The following PRKCB variants were observed in gnomAD, a reference collection of about 807,000 sequenced individuals.
The protein encoded by PRKCB is protein kinase C beta.
In PRKCB, 13 loss-of-function variants were observed where a neutral mutation model predicts 81.5. The ratio of observed to expected loss-of-function variants is 0.16; its 90% CI spans 0.10 to 0.25. The LOEUF (loss-of-function observed/expected upper bound fraction) is 0.25, where lower values mean the gene tolerates loss of function less well. PRKCB is among the 10% of genes least tolerant of loss of function. PRKCB has a pLI of 1.00. For synonymous variants in PRKCB, 335 were observed against 321.4 expected, an observed-to-expected ratio of 1.04 and a Z score of -0.45; for missense variants, 509 against 875.7, an observed-to-expected ratio of 0.58 and a Z score of 5.29.
rs900432777 is a variant in PRKCB, at chr16:23,855,121, G to T, written c.205+17715G>T. On this transcript the variant is annotated intron_variant, in intron 2 of 16. Coordinates refer to ENST00000643927, the MANE Select transcript of PRKCB (RefSeq NM_002738.7). ...AAAGGAAGACAAAGCCCCTGTACTTGAGGAGGGAGAGAATAAAGAGAGCCG... is the reference window on the plus strand; with the variant it reads ...AAAGGAAGACAAAGCCCCTGTACTTTAGGAGGGAGAGAATAAAGAGAGCCG... Among the ~76,000 whole-genome samples the T allele has an allele frequency of 5.3e-5, 8 of 152,050 alleles. No individual in the cohort carries two copies. The East Asian group carries it at 1.5e-3, about 29-fold the overall frequency.
intron 2 of PRKCB, among the ~76,000 whole-genome samples, chr16:23,945,502 A>G (rs1170730634): frequency 6.6e-6 from 1 of 152,092 alleles, no homozygotes; most frequent in Non-Finnish European, 1.5e-5. Context: ...TGTGTCCACG[A>G]TAGGGGCCCA....
intron 3 of PRKCB, among the ~76,000 whole-genome samples, chr16:24,009,895 T>C (rs1965178972): frequency 6.6e-6 from 1 of 151,976 alleles, no homozygotes; most frequent in African/African-American, 2.4e-5. Context: ...TTTGTATCTG[T>C]AATCCCAGCT....
chr16:24,092,897 C>T lies in PRKCB; in HGVS notation c.636C>T (p.Thr212=), dbSNP rs762695587. The change falls in exon 6 of 17, where the codon ACC becomes ACT. Residue 212 remains threonine (T), a synonymous_variant. Transcript: ENST00000643927. ...CCAAAAGTGAGAGCAAACAGAAGAC[C>T]AAAACCATCAAATGCTCCCTCAACC... ...PDPKSESKQK[T]KTIKCSLNPE... 1.9e-6 allele frequency: 3 copies of T among 1,614,000 alleles called. No homozygotes were observed. In the South Asian group the frequency reaches 3.3e-5, roughly 18 times the overall value.
intron 2 of PRKCB, among the ~76,000 whole-genome samples, chr16:23,841,659 T>G (rs1343691258): frequency 7.5e-6 from 1 of 134,204 alleles, no homozygotes; most frequent in African/African-American, 2.8e-5. Context: ...CTTTTTTTTT[T>G]TTTTTTTTTT....
At chr16:23,847,471 T>C (rs28474709) in intron 2 of PRKCB, among the ~76,000 whole-genome samples, 81,296 of 141,744 alleles carry the variant, frequency 0.57, 23,088 homozygotes, top group East Asian at 0.71. Context: ...CATCCATCCA[T>C]CCATCCACCC....
intron 2 of PRKCB, among the ~76,000 whole-genome samples, chr16:23,888,287 G>A (rs1187083403): frequency 6.6e-6 from 1 of 152,190 alleles, no homozygotes; most frequent in East Asian, 1.9e-4. Context: ...GGACCAAACA[G>A]CGGAAGGCAC....
chr16:23,862,464 A>C (rs2141091287), intron 2 of PRKCB, among the ~76,000 whole-genome samples: 1 of 152,358 alleles, frequency 6.6e-6, no homozygotes, highest in East Asian at 1.9e-4. Flanking sequence ...TTGAGGCTTC[A>C]TGTTGAAGTT....
intron 1 of PRKCB, 65 bp downstream of exon 1, chr16:23,836,413 TCTCCGCGCC>T: frequency 6.6e-7 from 1 of 1,525,702 alleles, no homozygotes; most frequent in Non-Finnish European, 8.8e-7. Flanking sequence ...AGGGACCCCC[TCTCCGCGCC>T]CTCTGCGCCC....
At chr16:23,981,155 C>T (rs150710401) in intron 2 of PRKCB, among the ~76,000 whole-genome samples, 1 of 152,270 alleles carries the variant, frequency 6.6e-6, no homozygotes, top group Admixed American at 6.5e-5. Context: ...TCTTCCGGGG[C>T]TGAAATCGAG....
intron 2 of PRKCB, among the ~76,000 whole-genome samples, chr16:23,911,478 G>C (rs1379467411): frequency 6.6e-6 from 1 of 152,090 alleles, no homozygotes; most frequent in African/African-American, 2.4e-5. Flanking sequence ...CTTCCTAGGA[G>C]TGGAATTGCT....
intron 5 of PRKCB, among the ~76,000 whole-genome samples, chr16:24,062,804 C>T (rs1403454228): frequency 1.3e-5 from 2 of 152,050 alleles, no homozygotes; most frequent in Admixed American, 6.6e-5. Flanking sequence ...AATTAGAATG[C>T]ATACTTATTT....
At chr16:24,147,361 C>T (rs888987061) in intron 9 of PRKCB, among the ~76,000 whole-genome samples, 2 of 151,864 alleles carry the variant, frequency 1.3e-5, no homozygotes, top group African/African-American at 4.8e-5. Context: ...TCTGCCCAAG[C>T]CACTTGATGG....
chr16:24,215,534 T>C lies in PRKCB; in HGVS notation c.*718T>C. 1.0e-6 allele frequency: 1 copy of C among 985,638 alleles called. No individual in the cohort carries two copies. The highest frequency in any genetic ancestry group is 1.2e-6 in the Non-Finnish European group (1 of 829,894). 61.1% of individuals were successfully genotyped at this position (985,638 alleles called of 1,614,324 possible). A position where few individuals can be genotyped will look rare whatever the true frequency, so the allele number is the denominator to read the frequency against. On this transcript the variant is annotated 3_prime_UTR_variant, in exon 17 of 17. Coordinates refer to ENST00000643927, the MANE Select transcript of PRKCB (RefSeq NM_002738.7). The stretch of plus-strand genomic sequence containing the variant: ...GAAAAGGGCATTTGGCACCACTCTC[T>C]GAAACAACACAGTCACTCTAGCAAG...
intron 16 of PRKCB, among the ~76,000 whole-genome samples, chr16:24,202,912 G>A (rs1440474381): frequency 1.3e-5 from 2 of 151,498 alleles, no homozygotes; most frequent in Admixed American, 6.6e-5. Context: ...GTTTTGTGCT[G>A]CTATAAGAAT....
At chr16:23,935,043 G>A (rs753915413) in intron 2 of PRKCB, among the ~76,000 whole-genome samples, 2 of 152,122 alleles carry the variant, frequency 1.3e-5, no homozygotes, top group African/African-American at 2.4e-5. Flanking sequence ...TGGAACCATT[G>A]ACCACAAACC....
At chr16:23,877,412 G>A (rs1318950982) in intron 2 of PRKCB, among the ~76,000 whole-genome samples, 13 of 152,166 alleles carry the variant, frequency 8.5e-5, no homozygotes, top group Non-Finnish European at 1.5e-5. Flanking sequence ...TGGGGAAGGA[G>A]CTTCTGATTG....
chr16:24,145,982 T>A (rs1966982963), intron 9 of PRKCB, among the ~76,000 whole-genome samples: 1 of 152,196 alleles, frequency 6.6e-6, no homozygotes, highest in African/African-American at 2.4e-5. Context: ...TGGATTAGGG[T>A]GGGCCTGAAT....
intron 2 of PRKCB, among the ~76,000 whole-genome samples, chr16:23,904,297 T>C (rs1384481409): frequency 6.6e-6 from 1 of 152,146 alleles, no homozygotes; most frequent in Non-Finnish European, 1.5e-5. Flanking sequence ...TCCACATAGG[T>C]GCAAGAGGGG....
chr16:24,071,849 A>G (rs1452279165), intron 5 of PRKCB, among the ~76,000 whole-genome samples: 1 of 152,154 alleles, frequency 6.6e-6, no homozygotes, highest in Non-Finnish European at 1.5e-5. Flanking sequence ...GTTGAGTTGC[A>G]GTAACCATGC....
Sources: gnomAD v4.1 joint callset for allele counts (sites outside exome capture counted in the v4.1 genomes callset) on GRCh38, gnomAD v4.1.1 for gene constraint, MANE v1.5 for transcripts, NCBI Gene and HGNC (gene_info 2026-07-23, HGNC 2026-07-21) for gene names.